DLG2: variants seen among roughly 807,000 people sequenced by gnomAD.
DLG2 encodes the protein discs large MAGUK scaffold protein 2.
A neutral mutation model predicts 132.5 loss-of-function variants in DLG2; 45 were observed. The observed-to-expected ratio is 0.34, with a 90% confidence interval of 0.27 to 0.44. The LOEUF (loss-of-function observed/expected upper bound fraction) is 0.44, where lower values mean the gene tolerates loss of function less well. DLG2 is among the 20% of genes least tolerant of loss of function. DLG2 has a pLI of 1.00. For missense variants in DLG2, 1,045 were observed against 1,196.9 expected (o/e 0.87, Z 1.87); for synonymous variants, 424 against 419.6 (o/e 1.01, Z -0.13).
intron 5 of DLG2, among the ~76,000 whole-genome samples, chr11:85,142,466 G>A (rs868437894): frequency 6.6e-6 from 1 of 151,568 alleles, no homozygotes; most frequent in East Asian, 1.9e-4. Context: ...TTTTTTGGTG[G>A]AATTTTTAGG....
intron 6 of DLG2, among the ~76,000 whole-genome samples, chr11:85,032,475 A>T (rs2061089873): frequency 6.6e-6 from 1 of 152,342 alleles, no homozygotes; most frequent in African/African-American, 2.4e-5. Context: ...TTTTAAAGCA[A>T]TCTTTAATGA....
At chr11:84,949,240 C>G (rs978404432) in intron 6 of DLG2, among the ~76,000 whole-genome samples, 1 of 151,768 alleles carries the variant, frequency 6.6e-6, no homozygotes, top group Non-Finnish European at 1.5e-5. Flanking sequence ...AGGGAGTGTG[C>G]GAATAGGTGT....
intron 6 of DLG2, among the ~76,000 whole-genome samples, chr11:84,990,038 G>C (rs543998529): frequency 1.3e-5 from 2 of 152,210 alleles, no homozygotes; most frequent in Non-Finnish European, 2.9e-5. Context: ...AGAAAATTTT[G>C]CTCCTTGAAA....
At chr11:85,500,459 T>C (rs1297896888) in intron 3 of DLG2, among the ~76,000 whole-genome samples, 1 of 146,870 alleles carries the variant, frequency 6.8e-6, no homozygotes, top group Non-Finnish European at 1.5e-5. Context: ...CATTAGTGGG[T>C]GCAGCGCACC....
At chr11:84,160,644 C>T (rs1026230811) in intron 9 of DLG2, among the ~76,000 whole-genome samples, 2 of 152,052 alleles carry the variant, frequency 1.3e-5, no homozygotes, top group African/African-American at 4.8e-5. Context: ...GAAAGATATA[C>T]TGTGCCTGAG....
At chr11:84,469,347 C>T (rs879756436) in intron 7 of DLG2, among the ~76,000 whole-genome samples, 1 of 151,564 alleles carries the variant, frequency 6.6e-6, no homozygotes, top group African/African-American at 2.4e-5. Context: ...CAGAAACAAT[C>T]TATACCTATC....
At chr11:85,354,031 A>T (rs1438191187) in intron 3 of DLG2, among the ~76,000 whole-genome samples, 1 of 151,704 alleles carries the variant, frequency 6.6e-6, no homozygotes, top group African/African-American at 2.4e-5. Flanking sequence ...AAACTAAATC[A>T]TAATAGAGTC....
At chr11:83,729,945 C>G (rs1378703692) in intron 18 of DLG2, among the ~76,000 whole-genome samples, 1 of 152,006 alleles carries the variant, frequency 6.6e-6, no homozygotes, top group Non-Finnish European at 1.5e-5. Context: ...AACCAAGTCA[C>G]TTGTATCAGA....
intron 16 of DLG2, among the ~76,000 whole-genome samples, chr11:83,851,036 G>C (rs1025409816): frequency 8.5e-5 from 13 of 152,074 alleles, no homozygotes; most frequent in Admixed American, 6.5e-5. Context: ...AATTAGCCTG[G>C]CGTGGTGGCG....
At chr11:85,361,954 GT>G (rs1187582451) in intron 3 of DLG2, among the ~76,000 whole-genome samples, 39 of 152,212 alleles carry the variant, frequency 2.6e-4, no homozygotes, top group African/African-American at 9.1e-4. Context: ...TTTTCCATTT[GT>G]TCTTGTCATC....
chr11:84,046,951 G>A (rs1416869168), intron 11 of DLG2, among the ~76,000 whole-genome samples: 1 of 151,608 alleles, frequency 6.6e-6, no homozygotes, highest in Non-Finnish European at 1.5e-5. Flanking sequence ...TAGGAGTCAT[G>A]GTCCATGAAT....
chr11:85,464,028 C>A (rs7948145), intron 3 of DLG2, among the ~76,000 whole-genome samples: 5,266 of 22,624 alleles, frequency 0.23, 143 homozygotes, highest in Non-Finnish European at 0.3. Context: ...ACACACGCCC[C>A]CCGAGAGAGA....
chr11:85,310,100 T>A (rs1225250005), intron 3 of DLG2, among the ~76,000 whole-genome samples: 1 of 152,190 alleles, frequency 6.6e-6, no homozygotes, highest in Admixed American at 6.5e-5. Flanking sequence ...TTGTCAGTCT[T>A]AATTCAGCAC....
chr11:84,598,919 G>A lies in DLG2; in HGVS notation c.358-64188C>T, dbSNP rs553134709. Among the ~76,000 whole-genome samples the A allele has an allele frequency of 1.1e-3, 167 of 151,430 alleles. 1 individual carries two copies. Among genetic ancestry groups the A allele is most frequent in the Middle Eastern group, 3.6e-3 (1 of 280 alleles). ...CGATCACATCACTGCACTTCAGCCT[G>A]GGTGGCAGAGTGAGACCCTGCCTCT... On this transcript the variant is annotated intron_variant, in intron 6 of 27. Transcript: ENST00000376104.
chr11:84,470,811 G>C (rs760327560), intron 7 of DLG2, among the ~76,000 whole-genome samples: 7 of 151,746 alleles, frequency 4.6e-5, no homozygotes, highest in South Asian at 2.1e-4. Flanking sequence ...AACATTTTGT[G>C]GTATGTTGGT....
chr11:84,549,152 T>A (rs576358069), intron 6 of DLG2, among the ~76,000 whole-genome samples: 3 of 152,214 alleles, frequency 2.0e-5, no homozygotes, highest in Admixed American at 6.5e-5. Flanking sequence ...AGCTGACAAA[T>A]GAAAGAGGGA....
intron 3 of DLG2, among the ~76,000 whole-genome samples, chr11:85,310,928 G>T (rs780114964): frequency 6.6e-6 from 1 of 152,044 alleles, no homozygotes. Context: ...AATAAACACA[G>T]ATGCTTAATC....
At chr11:84,600,714 A>C (rs2099574943) in intron 6 of DLG2, among the ~76,000 whole-genome samples, 1 of 152,204 alleles carries the variant, frequency 6.6e-6, no homozygotes, top group Non-Finnish European at 1.5e-5. Context: ...CAAAACCAGA[A>C]CTTTATTCCT....
intron 8 of DLG2, among the ~76,000 whole-genome samples, chr11:84,177,273 C>T (rs976495296): frequency 1.2e-4 from 19 of 152,274 alleles, no homozygotes; most frequent in Non-Finnish European, 8.8e-5. Flanking sequence ...CTCCTTCCAT[C>T]TAATATCATC....
Sources: gnomAD v4.1 joint callset for allele counts (sites outside exome capture counted in the v4.1 genomes callset) on GRCh38, gnomAD v4.1.1 for gene constraint, MANE v1.5 for transcripts, NCBI Gene and HGNC (gene_info 2026-07-23, HGNC 2026-07-21) for gene names.